Variants in ZNF567 observed in about 807,000 individuals in gnomAD.
The protein encoded by ZNF567 is zinc finger protein 567.
A neutral mutation model predicts 53.9 loss-of-function variants in ZNF567; 36 were observed. The ratio of observed to expected loss-of-function variants is 0.67; its 90% CI spans 0.51 to 0.88. The LOEUF (loss-of-function observed/expected upper bound fraction) is 0.88. Ranked by LOEUF, ZNF567 falls within the 40% of genes least tolerant of loss-of-function variation. The pLI, the probability that ZNF567 is intolerant of heterozygous loss-of-function variation, is 0.00. For missense variants in ZNF567, 619 were observed against 764.7 expected, an observed-to-expected ratio of 0.81 and a Z score of 2.25; for synonymous variants, 224 against 260.4, an observed-to-expected ratio of 0.86 and a Z score of 1.35.
chr19:36,670,034 C>T, the ZNF567 span, among the ~76,000 whole-genome samples: 1 of 152,136 alleles, frequency 6.6e-6, no homozygotes, highest in Non-Finnish European at 1.5e-5. Flanking sequence ...TTCTTTATCA[C>T]AATAAATTAT....
chr19:36,671,278 A>C, the ZNF567 span, among the ~76,000 whole-genome samples: 1 of 152,190 alleles, frequency 6.6e-6, no homozygotes, highest in East Asian at 1.9e-4. Context: ...CTTCTACCTC[A>C]CTGAAATTCC....
intron 3 of ZNF567, among the ~76,000 whole-genome samples, chr19:36,697,961 A>G (rs892880548): frequency 4.4e-4 from 65 of 146,380 alleles, no homozygotes; most frequent in Non-Finnish European, 7.5e-4. Flanking sequence ...TTTAGGGTAC[A>G]TGTGCACAAT....
At chr19:36,688,631 C>G (rs751628650) in intron 1 of ZNF567, among the ~76,000 whole-genome samples, 4 of 150,540 alleles carry the variant, frequency 2.7e-5, no homozygotes, top group Non-Finnish European at 4.4e-5. Flanking sequence ...CATGGTGAAA[C>G]CCCGTCTCTA....
intron 1 of ZNF567, among the ~76,000 whole-genome samples, chr19:36,688,102 G>A (rs1440981796): frequency 6.6e-6 from 1 of 152,110 alleles, no homozygotes; most frequent in Non-Finnish European, 1.5e-5. Flanking sequence ...AATTAGATGC[G>A]AGTCGATTTG....
At chr19:36,704,110 A>G (rs1437451644) in intron 3 of ZNF567, among the ~76,000 whole-genome samples, 1 of 152,168 alleles carries the variant, frequency 6.6e-6, no homozygotes, top group Non-Finnish European at 1.5e-5. Context: ...CAGTTTGCTG[A>G]TAGTTTTTAT....
chr19:36,723,312 A>C, downstream of ZNF567: 1 of 696,924 alleles, frequency 1.4e-6, no homozygotes, highest in South Asian at 1.5e-5. Context: ...CAGACATTTC[A>C]GTGGCTACCA....
At chr19:36,684,107 G>A (rs916471703), upstream of ZNF567, among the ~76,000 whole-genome samples, 1 of 152,090 alleles carries the variant, frequency 6.6e-6, no homozygotes, top group Non-Finnish European at 1.5e-5. Flanking sequence ...TATACAAACA[G>A]AACAGTGCAG....
chr19:36,701,996 T>C (rs1418506968), intron 3 of ZNF567, among the ~76,000 whole-genome samples: 3 of 152,112 alleles, frequency 2.0e-5, no homozygotes, highest in Non-Finnish European at 4.4e-5. Context: ...TGCTTGTTAG[T>C]TGATGCAGTT....
intron 3 of ZNF567, chr19:36,712,110 G>C (rs535739119): frequency 1.4e-5 from 5 of 344,942 alleles, no homozygotes; most frequent in Non-Finnish European, 1.7e-5. Flanking sequence ...GCAGTGGCAT[G>C]ATCTGGGCTC....
chr19:36,715,653 C>G (rs1379945486), intron 5 of ZNF567, among the ~76,000 whole-genome samples: 1 of 150,806 alleles, frequency 6.6e-6, no homozygotes, highest in African/African-American at 2.4e-5. Flanking sequence ...CCTCAGCCTC[C>G]TGGTTAGCTG....
chr19:36,708,503 A>G (rs1239197498), intron 3 of ZNF567, among the ~76,000 whole-genome samples: 1 of 152,162 alleles, frequency 6.6e-6, no homozygotes, highest in Non-Finnish European at 1.5e-5. Context: ...CATAGTTTAC[A>G]TTAGGGTTCA....
downstream of ZNF567, among the ~76,000 whole-genome samples, chr19:36,724,365 T>C (rs1420010273): frequency 6.6e-6 from 1 of 151,418 alleles, no homozygotes; most frequent in Non-Finnish European, 1.5e-5. Flanking sequence ...CTATTTTACA[T>C]TACCAATGGC....
At chr19:36,722,176 C>T (rs189622720), downstream of ZNF567, among the ~76,000 whole-genome samples, 105 of 152,176 alleles carry the variant, frequency 6.9e-4, no homozygotes, top group South Asian at 1.2e-3. Flanking sequence ...ATCCTTTTGG[C>T]GAGGAGAGTA....
chr19:36,683,815 G>A (rs114313558), upstream of ZNF567, among the ~76,000 whole-genome samples: 2,266 of 152,206 alleles, frequency 0.015, 54 homozygotes, highest in African/African-American at 0.051. Flanking sequence ...CTGGCAACAA[G>A]AGTGAGACTC....
intron 3 of ZNF567, among the ~76,000 whole-genome samples, chr19:36,710,542 A>G (rs959513931): frequency 5.9e-5 from 9 of 152,074 alleles, no homozygotes; most frequent in Admixed American, 2.6e-4. Context: ...TCAAACATCA[A>G]ACTTTGTCTT....
intron 1 of ZNF567, among the ~76,000 whole-genome samples, chr19:36,688,471 T>A (rs1055451151): frequency 3.3e-5 from 5 of 152,120 alleles, no homozygotes; most frequent in Admixed American, 3.3e-4. Context: ...TTTTTTTTTT[T>A]TAATGGAGAG....
intron 5 of ZNF567, among the ~76,000 whole-genome samples, chr19:36,715,704 T>C (rs1285933587): frequency 6.6e-6 from 1 of 151,204 alleles, no homozygotes; most frequent in Non-Finnish European, 1.5e-5. Context: ...TAATTTTGTA[T>C]TTTTAGTAGA....
At chr19:36,683,013 A>C (rs1237879676), upstream of ZNF567, among the ~76,000 whole-genome samples, 1 of 150,700 alleles carries the variant, frequency 6.6e-6, no homozygotes, top group Non-Finnish European at 1.5e-5. Context: ...TCATGTGTTC[A>C]TTTCTTTTAC....
chr19:36,715,513 ATTATTATTATT>A (rs1568711702), intron 5 of ZNF567, among the ~76,000 whole-genome samples: 12 of 33,518 alleles, frequency 3.6e-4, no homozygotes, highest in African/African-American at 1.8e-3. Context: ...AATAATAATT[ATTATTATTATT>A]ATTATTATTA....
Sources: allele counts gnomAD v4.1 joint callset (sites outside exome capture counted in the v4.1 genomes callset), GRCh38; gene constraint gnomAD v4.1.1; transcripts MANE v1.5; gene names NCBI Gene and HGNC (gene_info 2026-07-23, HGNC 2026-07-21).